Variants in KCTD16 observed in about 807,000 individuals in gnomAD.
The protein encoded by KCTD16 is BTB/POZ domain-containing protein KCTD16.
In KCTD16, 13 loss-of-function variants were observed where a neutral mutation model predicts 33.2. The observed-to-expected ratio is 0.39, with a 90% CI of 0.25 to 0.62. KCTD16 has a LOEUF of 0.62. KCTD16 is among the 20% of genes least tolerant of loss of function. KCTD16 has a pLI of 0.50. For synonymous variants in KCTD16, 197 were observed against 195.3 expected, an observed-to-expected ratio of 1.01 and a Z score of -0.07; for missense variants, 441 against 525.1, an observed-to-expected ratio of 0.84 and a Z score of 1.57.
chr5:144,315,440 T>C (rs916161446), intron 3 of KCTD16, among the ~76,000 whole-genome samples: 1 of 152,162 alleles, frequency 6.6e-6, no homozygotes, highest in Non-Finnish European at 1.5e-5. Context: ...TTGCCAAGCA[T>C]AAATTATATA....
intron 3 of KCTD16, among the ~76,000 whole-genome samples, chr5:144,347,508 T>C (rs1752835188): frequency 6.6e-6 from 1 of 152,064 alleles, no homozygotes; most frequent in Non-Finnish European, 1.5e-5. Flanking sequence ...AGCAGGAGAA[T>C]CGCTTGAACT....
At position 144,322,903 on chromosome 5, in the gene KCTD16, T is replaced by G. The variant is rs1752111405; in HGVS notation, c.832+115357T>G. Among the ~76,000 whole-genome samples the G allele has an allele frequency of 3.9e-5, 6 of 152,104 alleles. No homozygotes were observed. The South Asian group carries it at 1.0e-3, about 26-fold the overall frequency. ...ATGCATATTCCAAATTAGAAGACTT[T>G]TCCTTCTTATCCTTTTATTGTGGAG... On this transcript the variant is annotated intron_variant, in intron 3 of 3. Transcript: ENST00000512467.
chr5:144,215,492 A>G (rs1316198752), intron 3 of KCTD16, among the ~76,000 whole-genome samples: 1 of 152,204 alleles, frequency 6.6e-6, no homozygotes, highest in East Asian at 1.9e-4. Context: ...GCAGCATAAC[A>G]TAGTGGTTAA....
intron 3 of KCTD16, among the ~76,000 whole-genome samples, chr5:144,444,166 G>T (rs985863610): frequency 9.2e-5 from 14 of 151,818 alleles, no homozygotes; most frequent in African/African-American, 3.1e-4. Flanking sequence ...TTTTAGCAGA[G>T]AGAGTCAAAA....
intron 3 of KCTD16, among the ~76,000 whole-genome samples, chr5:144,403,890 C>A (rs1028714421): frequency 6.6e-6 from 1 of 152,130 alleles, no homozygotes; most frequent in Non-Finnish European, 1.5e-5. Context: ...ACTCCACCCC[C>A]ATTCTATTTG....
intron 3 of KCTD16, among the ~76,000 whole-genome samples, chr5:144,394,643 A>G (rs907758877): frequency 2.0e-4 from 30 of 152,134 alleles, no homozygotes; most frequent in Non-Finnish European, 4.4e-4. Flanking sequence ...GATCATGGGG[A>G]TGGGTACCCT....
chr5:144,469,331 G>A (rs551608518), intron 3 of KCTD16, among the ~76,000 whole-genome samples: 1 of 152,258 alleles, frequency 6.6e-6, no homozygotes, highest in Non-Finnish European at 1.5e-5. Context: ...CTGTGCTGAG[G>A]CAGACATTAC....
intron 3 of KCTD16, among the ~76,000 whole-genome samples, chr5:144,265,612 C>T (rs1177329807): frequency 6.6e-6 from 1 of 152,306 alleles, no homozygotes; most frequent in East Asian, 1.9e-4. Context: ...TTGGCTGTAT[C>T]TTCTATGCCC....
rs1329509079 is a variant in KCTD16, at chr5:144,225,597, TC to T, written c.832+18052del. Among the ~76,000 whole-genome samples the T allele has an allele frequency of 9.2e-4, 128 of 139,040 alleles. 1 individual carries two copies. In the Admixed American group the frequency reaches 9.4e-3, roughly 10 times the overall value. 91.2% of individuals were successfully genotyped at this position (139,040 alleles called of 152,430 possible). Reference sequence around the variant, plus strand: ...GTGTGTGTGTGTGTGTGTGTGTGTGTCTTTAAAACTAAGAAGTCATGTTAGA... The same window carrying T: ...GTGTGTGTGTGTGTGTGTGTGTGTGTTTTAAAACTAAGAAGTCATGTTAGA... On this transcript the variant is annotated intron_variant, in intron 3 of 3. Transcript: ENST00000512467.
At chr5:144,445,483 A>G (rs1753799930) in intron 3 of KCTD16, among the ~76,000 whole-genome samples, 1 of 152,016 alleles carries the variant, frequency 6.6e-6, no homozygotes, top group Non-Finnish European at 1.5e-5. Context: ...ACATCCTTGT[A>G]TGGAAATTGT....
At chr5:144,429,375 C>T (rs917802643) in intron 3 of KCTD16, among the ~76,000 whole-genome samples, 3 of 152,144 alleles carry the variant, frequency 2.0e-5, no homozygotes, top group Non-Finnish European at 4.4e-5. Flanking sequence ...TTAATTTTCT[C>T]TAGCTACAGG....
chr5:144,391,839 A>AACTGATCTG (rs2126938920), intron 3 of KCTD16, among the ~76,000 whole-genome samples: 1 of 152,352 alleles, frequency 6.6e-6, no homozygotes, highest in East Asian at 1.9e-4. Flanking sequence ...CACAAATGTT[A>AACTGATCTG]ACTGATCTGA....
chr5:144,183,920 C>T (rs1609849), intron 2 of KCTD16, among the ~76,000 whole-genome samples: 25,443 of 152,126 alleles, frequency 0.17, 2,333 homozygotes, highest in Admixed American at 0.26. Flanking sequence ...CTTGATTCTA[C>T]TTTACTTCGT....
chr5:144,192,455 T>C (rs1227438406), intron 2 of KCTD16, among the ~76,000 whole-genome samples: 2 of 152,244 alleles, frequency 1.3e-5, no homozygotes, highest in African/African-American at 4.8e-5. Flanking sequence ...CTTAATTGCA[T>C]TATAATGGGA....
At chr5:144,326,104 T>C (rs1437540837) in intron 3 of KCTD16, among the ~76,000 whole-genome samples, 1 of 152,166 alleles carries the variant, frequency 6.6e-6, no homozygotes, top group Non-Finnish European at 1.5e-5. Flanking sequence ...AGAACTCAAC[T>C]CAGGTCATCC....
At position 144,299,130 on chromosome 5, in the gene KCTD16, ATATATATATATATATATATT is replaced by A. The variant is rs1756162836; in HGVS notation, c.832+91586_832+91605del. ...TATATATATATATATATATATATAT[ATATATATATATATATATATT>A]TTTTTTTTTTTTTTTAACCTGTCAC... On this transcript the variant is annotated intron_variant, in intron 3 of 3. Transcript: ENST00000512467. 6.3e-4 allele frequency among the ~76,000 whole-genome samples: 17 copies of A among 27,090 alleles called. 1 individual carries two copies. The highest frequency in any genetic ancestry group is 6.1e-3 in the South Asian group (5 of 814). The allele number at this position is 27,090 out of a possible 152,430, so 17.8% of individuals were successfully genotyped here. A position where few individuals can be genotyped will look rare whatever the true frequency, so the allele number is the denominator to read the frequency against.
chr5:144,297,437 A>G (rs1051827668), intron 3 of KCTD16, among the ~76,000 whole-genome samples: 3 of 152,244 alleles, frequency 2.0e-5, no homozygotes, highest in African/African-American at 7.2e-5. Flanking sequence ...AAGGCCGGAT[A>G]TCTCTCCTTA....
In KCTD16 at chr5:144,475,806, T is replaced by A. The variant is rs1478756426; in HGVS notation, c.*1692T>A. ...TATTATGTAAGATGTTCTGTCTTGA[T>A]TTCTGTTCTTAGTGATGATTAGTAT... On this transcript the variant is annotated 3_prime_UTR_variant, in exon 4 of 4. Coordinates refer to ENST00000512467, the MANE Select transcript of KCTD16 (RefSeq NM_020768.4). 1 of 152,630 alleles carries A rather than the reference T, an allele frequency of 6.6e-6. No homozygotes were observed. Among genetic ancestry groups the A allele is most frequent in the African/African-American group, 2.4e-5 (1 of 41,464 alleles). The allele number at this position is 152,630 out of a possible 1,614,324, so 9.5% of individuals were successfully genotyped here. A position where few individuals can be genotyped will look rare whatever the true frequency, so the allele number is the denominator to read the frequency against.
intron 2 of KCTD16, among the ~76,000 whole-genome samples, chr5:144,176,387 CTTTTTTTTTTT>C (rs368578231): frequency 6.6e-5 from 7 of 106,660 alleles, no homozygotes; most frequent in Admixed American, 2.2e-4. Context: ...TATAGTGTTT[CTTTTTTTTTTT>C]TTTTTTTTTT....
Sources: gnomAD v4.1 joint callset for allele counts (sites outside exome capture counted in the v4.1 genomes callset) on GRCh38, gnomAD v4.1.1 for gene constraint, MANE v1.5 for transcripts, NCBI Gene and HGNC (gene_info 2026-07-23, HGNC 2026-07-21) for gene names.